The following NPRL3 variants were observed in gnomAD, a reference collection of about 807,000 sequenced individuals.
NPRL3 encodes the protein NPR3 like, GATOR1 complex subunit, also known as GATOR1 complex protein NPRL3.
NPRL3 carries 23 observed loss-of-function variants against 57.2 expected under a neutral mutation model. That is an observed-to-expected ratio of 0.40 (90% CI 0.29 to 0.57). NPRL3 has a LOEUF of 0.57. Among genes scored for constraint, NPRL3 ranks in the 20% least tolerant of loss-of-function variants. The pLI is 0.42. For synonymous variants in NPRL3, 333 were observed against 321.1 expected (o/e 1.04, Z -0.39); for missense variants, 691 against 767.1 (o/e 0.90, Z 1.17).
chr16:129,776 G>T (rs994566380), intron 3 of NPRL3, among the ~76,000 whole-genome samples: 5 of 152,156 alleles, frequency 3.3e-5, no homozygotes, highest in Non-Finnish European at 7.3e-5. Context: ...CCAGCATAGG[G>T]ATCTTAGCTA....
chr16:125,938 G>A (rs1378367960), intron 3 of NPRL3: 4 of 152,284 alleles, frequency 2.6e-5, no homozygotes, highest in Non-Finnish European at 5.9e-5. Flanking sequence ...TATGTTGTGA[G>A]CTAGAGAGTG....
chr16:136,252 T>C (rs1053223084), intron 2 of NPRL3, among the ~76,000 whole-genome samples: 4 of 152,208 alleles, frequency 2.6e-5, no homozygotes, highest in Non-Finnish European at 5.9e-5. Context: ...AATATGTTCA[T>C]CTCATGGAAT....
At chr16:102,056 A>T (rs2141929132) in intron 7 of NPRL3, among the ~76,000 whole-genome samples, 1 of 152,238 alleles carries the variant, frequency 6.6e-6, no homozygotes, top group Admixed American at 6.5e-5. Context: ...GCCAAGGAAC[A>T]CACCGCCCTC....
chr16:134,702 T>TA (rs1900979039), intron 2 of NPRL3, among the ~76,000 whole-genome samples: 1 of 136,494 alleles, frequency 7.3e-6, no homozygotes, highest in Admixed American at 7.4e-5. Context: ...TTATTTTTTT[T>TA]TTTTTTTTTT....
rs527481066 is a variant in NPRL3, at chr16:114,721, A to C, written c.394-1946T>G. Reference sequence around the variant, plus strand: ...ATGGACCAGGTACTAGGTGATGCCAACTTATTACAGCAAATTTTTTCAGAT... The same window carrying C: ...ATGGACCAGGTACTAGGTGATGCCACCTTATTACAGCAAATTTTTTCAGAT... On this transcript the variant is annotated intron_variant, in intron 5 of 13. Coordinates refer to ENST00000611875, the MANE Select transcript of NPRL3 (RefSeq NM_001077350.3). 7.9e-5 allele frequency among the ~76,000 whole-genome samples: 12 copies of C among 152,346 alleles called. No homozygotes were observed. In the South Asian group the frequency reaches 2.5e-3, roughly 32 times the overall value.
intron 11 of NPRL3, chr16:90,963 C>A (rs901169460): frequency 6.6e-6 from 1 of 152,280 alleles, no homozygotes; most frequent in African/African-American, 2.4e-5. Flanking sequence ...ACCTGTAATC[C>A]CAGCTACTTG....
intron 8 of NPRL3, 69 bp from the exon 9 acceptor site, chr16:98,370 C>CTGCACCAGGTATGCACCGGGTA (rs1899115599): frequency 1.3e-6 from 2 of 1,536,092 alleles, no homozygotes; most frequent in East Asian, 4.7e-5. Flanking sequence ...GCACCAGGTC[C>CTGCACCAGGTATGCACCGGGTA]TGCACCAGGT....
chr16:103,295 G>GTTTTT (rs1331235205), intron 7 of NPRL3, among the ~76,000 whole-genome samples: 12 of 15,910 alleles, frequency 7.5e-4, no homozygotes, highest in East Asian at 1.0e-3. Context: ...CGCCTGGGGT[G>GTTTTT]ATTTTTTTTT....
intron 2 of NPRL3, 149 bp from the exon 3 acceptor site, chr16:130,740 G>C (rs1900752456): frequency 2.7e-6 from 2 of 733,534 alleles, no homozygotes; most frequent in Non-Finnish European, 2.3e-6. Flanking sequence ...GAATGAACAT[G>C]GGTGAACCTT....
intron 4 of NPRL3, 122 bp from the exon 5 acceptor site, chr16:117,497 A>AAGGCAT: frequency 3.0e-6 from 2 of 660,576 alleles, no homozygotes; most frequent in Non-Finnish European, 5.2e-6. Flanking sequence ...TGGAAAAGCA[A>AAGGCAT]TGAATGCCTT....
chr16:88,166 C>T (rs990227195), intron 13 of NPRL3, among the ~76,000 whole-genome samples: 23 of 152,174 alleles, frequency 1.5e-4, no homozygotes, highest in Non-Finnish European at 1.5e-5. Context: ...CCTGGATGCC[C>T]GCAGGGCTTA....
intron 12 of NPRL3, chr16:89,487 T>C (rs989653624): frequency 2.0e-5 from 10 of 504,700 alleles, no homozygotes; most frequent in South Asian, 1.2e-4. Flanking sequence ...TGCCCCTAAT[T>C]CTAGCAAGCC....
rs116901680 is a variant in NPRL3, at chr16:97,050, G to C, written c.924+1095C>G. On this transcript the variant is annotated intron_variant, in intron 9 of 13. Coordinates refer to ENST00000611875, the MANE Select transcript of NPRL3 (RefSeq NM_001077350.3). ...GGCCCACCTCACGCCTGTGTTCCTC[G>C]GCAGCCTCTGCTGCCCCCTGGTGGC... Among the ~76,000 whole-genome samples, 5 of 152,258 alleles carry C rather than the reference G, an allele frequency of 3.3e-5. No homozygotes were observed. The East Asian group carries it at 5.8e-4, about 18-fold the overall frequency.
Position 119,267 on chromosome 16 carries a change from A to C in NPRL3, c.189-12T>G. On this transcript the variant is annotated splice_polypyrimidine_tract_variant and intron_variant, in intron 3 of 13. Coordinates refer to ENST00000611875, the MANE Select transcript of NPRL3 (RefSeq NM_001077350.3). ...TAACATCTGAAAACCTTAAAATTTA[A>C]GAGAGGTAGAATAAAAATAAGTTAA... 4 of 1,594,572 alleles carry C rather than the reference A, an allele frequency of 2.5e-6. No homozygotes were observed. The highest frequency in any genetic ancestry group is 3.4e-6 in the Non-Finnish European group (4 of 1,169,976).
At chr16:121,084 G>C (rs1250151575) in intron 3 of NPRL3, among the ~76,000 whole-genome samples, 1 of 152,106 alleles carries the variant, frequency 6.6e-6, no homozygotes, top group Non-Finnish European at 1.5e-5. Context: ...AAAAACTGCT[G>C]CTCTGTCATA....
chr16:93,564 GTT>G (rs34541011), intron 9 of NPRL3, among the ~76,000 whole-genome samples: 28 of 135,388 alleles, frequency 2.1e-4, no homozygotes, highest in South Asian at 7.2e-4. Context: ...GTGAGCAATG[GTT>G]TTTTTTTTTT....
At chr16:91,374 A>T (rs1175181567) in intron 11 of NPRL3, among the ~76,000 whole-genome samples, 1 of 152,180 alleles carries the variant, frequency 6.6e-6, no homozygotes, top group African/African-American at 2.4e-5. Flanking sequence ...AAAATTAAAT[A>T]AAATCAATAA....
At chr16:126,498 A>G (rs531926768) in intron 3 of NPRL3, among the ~76,000 whole-genome samples, 2 of 151,952 alleles carry the variant, frequency 1.3e-5, no homozygotes, top group Non-Finnish European at 2.9e-5. Context: ...AATGAAAGAA[A>G]TCAGTTCTTC....
At chr16:135,039 T>C (rs1396416698) in intron 2 of NPRL3, among the ~76,000 whole-genome samples, 2 of 152,100 alleles carry the variant, frequency 1.3e-5, no homozygotes, top group Admixed American at 6.6e-5. Flanking sequence ...ACATAGATCA[T>C]TGGAGGAGAT....
Sources: allele counts gnomAD v4.1 joint callset (sites outside exome capture counted in the v4.1 genomes callset), GRCh38; gene constraint gnomAD v4.1.1; transcripts MANE v1.5; gene names NCBI Gene and HGNC (gene_info 2026-07-23, HGNC 2026-07-21).